The following GRK5 variants were observed in gnomAD, a reference collection of about 807,000 sequenced individuals.
GRK5 encodes the protein g protein-coupled receptor kinase GRK5.
GRK5 carries 40 observed loss-of-function variants against 78.4 expected under a neutral mutation model. That is an observed-to-expected ratio of 0.51 (90% confidence interval 0.40 to 0.66). The LOEUF is 0.66. Among genes scored for constraint, GRK5 ranks in the 30% least tolerant of loss-of-function variants. The pLI is 0.00. For missense variants in GRK5, 598 were observed against 759.9 expected (o/e 0.79, Z 2.50); for synonymous variants, 289 against 296.8 (o/e 0.97, Z 0.27).
At chr10:119,290,933 G>A (rs1849944495) in intron 1 of GRK5, among the ~76,000 whole-genome samples, 1 of 152,158 alleles carries the variant, frequency 6.6e-6, no homozygotes, top group Admixed American at 6.5e-5. Context: ...GTCCAAGTCA[G>A]AGACAGGAGC....
At chr10:119,350,967 C>A (rs1016035982) in intron 2 of GRK5, among the ~76,000 whole-genome samples, 1 of 152,158 alleles carries the variant, frequency 6.6e-6, no homozygotes, top group Non-Finnish European at 1.5e-5. Context: ...CAATGGGCTC[C>A]GTCTGTGTTG....
At chr10:119,330,492 AC>A (rs922927556) in intron 2 of GRK5, 13 of 151,930 alleles carry the variant, frequency 8.6e-5, no homozygotes, top group African/African-American at 2.9e-4. Context: ...CAAAGGCGTT[AC>A]CTCCAAATAA....
chr10:119,419,973 G>A (rs189439701), intron 4 of GRK5, among the ~76,000 whole-genome samples: 21 of 152,272 alleles, frequency 1.4e-4, no homozygotes, highest in African/African-American at 5.1e-4. Context: ...TATGGGTCCT[G>A]AGGGGATAAG....
chr10:119,429,945 C>T (rs1318411394), intron 6 of GRK5, among the ~76,000 whole-genome samples: 1 of 152,128 alleles, frequency 6.6e-6, no homozygotes, highest in Non-Finnish European at 1.5e-5. Flanking sequence ...AGGGCTGTGA[C>T]CTCCTTCGCG....
intron 1 of GRK5, among the ~76,000 whole-genome samples, chr10:119,282,187 A>G (rs1589720106): frequency 1.3e-5 from 2 of 151,622 alleles, no homozygotes; most frequent in South Asian, 2.1e-4. Flanking sequence ...TCCTCCCCCC[A>G]CTCACATTTT....
At chr10:119,266,213 T>A (rs1221405530) in intron 1 of GRK5, among the ~76,000 whole-genome samples, 2 of 152,162 alleles carry the variant, frequency 1.3e-5, no homozygotes, top group Non-Finnish European at 2.9e-5. Flanking sequence ...CGCAGCACTT[T>A]GGGAGGCCGA....
chr10:119,245,210 G>A (rs1478326542), intron 1 of GRK5, among the ~76,000 whole-genome samples: 2 of 152,078 alleles, frequency 1.3e-5, no homozygotes, highest in Non-Finnish European at 2.9e-5. Flanking sequence ...CCCAGTAGGC[G>A]GAGGTTGCAG....
At chr10:119,263,397 A>G (rs1364564606) in intron 1 of GRK5, among the ~76,000 whole-genome samples, 2 of 152,194 alleles carry the variant, frequency 1.3e-5, no homozygotes, top group Non-Finnish European at 2.9e-5. Flanking sequence ...TTTGGTTAAT[A>G]TTTAAGCATG....
At chr10:119,231,706 C>CAAAAAAAAAA (rs797013887) in intron 1 of GRK5, among the ~76,000 whole-genome samples, 1 of 60,680 alleles carries the variant, frequency 1.6e-5, no homozygotes, top group Non-Finnish European at 3.5e-5. Context: ...GACTCTGCCT[C>CAAAAAAAAAA]AAAAAAAAAA....
At chr10:119,421,965 C>T (rs1349490055) in intron 4 of GRK5, among the ~76,000 whole-genome samples, 8 of 152,188 alleles carry the variant, frequency 5.3e-5, no homozygotes, top group East Asian at 1.9e-4. Flanking sequence ...TTGACACCCC[C>T]GCCCAGAAAC....
intron 1 of GRK5, among the ~76,000 whole-genome samples, chr10:119,286,703 C>G (rs1849852755): frequency 6.6e-6 from 1 of 152,254 alleles, no homozygotes; most frequent in Non-Finnish European, 1.5e-5. Flanking sequence ...TTGCAGCCCG[C>G]CATGCAGGCA....
At chr10:119,208,923 T>C (rs1848435079) in intron 1 of GRK5, among the ~76,000 whole-genome samples, 1 of 152,168 alleles carries the variant, frequency 6.6e-6, no homozygotes, top group African/African-American at 2.4e-5. Context: ...TTTTTTTTTC[T>C]GGTCAAGATT....
chr10:119,280,970 G>A (rs1849753811), intron 1 of GRK5, among the ~76,000 whole-genome samples: 1 of 151,876 alleles, frequency 6.6e-6, no homozygotes, highest in African/African-American at 2.4e-5. Flanking sequence ...AGTAGAGACG[G>A]GGTTTCATCA....
intron 1 of GRK5, among the ~76,000 whole-genome samples, chr10:119,272,629 G>T (rs75094288): frequency 0.02 from 3,035 of 150,350 alleles, 59 homozygotes; most frequent in Admixed American, 0.053. Context: ...GAGTGGATGA[G>T]ATCTCTATTT....
chr10:119,316,467 C>T (rs117868830), intron 1 of GRK5, among the ~76,000 whole-genome samples: 1,839 of 152,308 alleles, frequency 0.012, 106 homozygotes, highest in Admixed American at 0.092. Flanking sequence ...TTCACAAGAC[C>T]ACCCTCACTC....
intron 13 of GRK5, among the ~76,000 whole-genome samples, chr10:119,448,998 C>T (rs1853217160): frequency 6.6e-6 from 1 of 152,212 alleles, no homozygotes; most frequent in Non-Finnish European, 1.5e-5. Flanking sequence ...GCCAGGAAGG[C>T]CTGCTGTGCT....
chr10:119,442,646 C>T (rs1589813258), intron 11 of GRK5, among the ~76,000 whole-genome samples: 1 of 152,346 alleles, frequency 6.6e-6, no homozygotes, highest in East Asian at 1.9e-4. Context: ...TGGGCTTCCT[C>T]CTGTGCATTT....
chr10:119,237,306 G>A (rs1054019823), intron 1 of GRK5, among the ~76,000 whole-genome samples: 7 of 152,112 alleles, frequency 4.6e-5, no homozygotes. Flanking sequence ...CAAGTGATTT[G>A]CCCCCGTTGG....
At chr10:119,428,790 C>T (rs1012578646) in intron 6 of GRK5, among the ~76,000 whole-genome samples, 3 of 152,252 alleles carry the variant, frequency 2.0e-5, no homozygotes, top group Non-Finnish European at 2.9e-5. Flanking sequence ...GAATGCCCTA[C>T]ATATCAGATA....
Sources: gnomAD v4.1 joint callset for allele counts (sites outside exome capture counted in the v4.1 genomes callset) on GRCh38, gnomAD v4.1.1 for gene constraint, MANE v1.5 for transcripts, NCBI Gene and HGNC (gene_info 2026-07-23, HGNC 2026-07-21) for gene names.